Variants in RBFOX1 observed in about 807,000 individuals in gnomAD.
RBFOX1 encodes RNA binding protein fox-1 homolog 1.
A neutral mutation model predicts 57.7 loss-of-function variants in RBFOX1; 8 were observed. The ratio of observed to expected loss-of-function variants is 0.14; its 90% confidence interval spans 0.08 to 0.25. The LOEUF is 0.25. RBFOX1 is among the 10% of genes least tolerant of loss of function. The pLI is 1.00. For synonymous variants in RBFOX1, 326 were observed against 222.4 expected (o/e 1.47, Z -4.15); for missense variants, 611 against 548.5 (o/e 1.11, Z -1.14).
intron 2 of RBFOX1, among the ~76,000 whole-genome samples, chr16:6,387,912 T>C (rs2092384625): frequency 6.6e-6 from 1 of 151,760 alleles, no homozygotes; most frequent in Non-Finnish European, 1.5e-5. Flanking sequence ...CCCCAGTCAC[T>C]ATGACTGTTG....
chr16:7,323,129 A>T (rs907274454), intron 4 of RBFOX1, among the ~76,000 whole-genome samples: 2 of 152,174 alleles, frequency 1.3e-5, no homozygotes, highest in African/African-American at 2.4e-5. Context: ...ATTGAGTTAA[A>T]ATGTCCAAGC....
intron 1 of RBFOX1, among the ~76,000 whole-genome samples, chr16:6,167,433 C>G (rs2096926177): frequency 6.6e-6 from 1 of 152,166 alleles, no homozygotes; most frequent in Non-Finnish European, 1.5e-5. Context: ...GTAGCTCCTG[C>G]TGTTATTGTT....
intron 3 of RBFOX1, among the ~76,000 whole-genome samples, chr16:5,658,876 A>AATAT: frequency 6.7e-6 from 1 of 148,650 alleles, no homozygotes; most frequent in Non-Finnish European, 1.5e-5. Context: ...TATATGTATA[A>AATAT]ATATATATAT....
chr16:7,706,859 G>A (rs1164499331), intron 14 of RBFOX1, among the ~76,000 whole-genome samples: 1 of 152,172 alleles, frequency 6.6e-6, no homozygotes, highest in Non-Finnish European at 1.5e-5. Flanking sequence ...CTAGTTAAGT[G>A]GGTAAAGGCC....
chr16:5,692,064 A>C (rs1187531368), intron 3 of RBFOX1, among the ~76,000 whole-genome samples: 1 of 152,098 alleles, frequency 6.6e-6, no homozygotes, highest in Non-Finnish European at 1.5e-5. Flanking sequence ...ATGACTGGGA[A>C]AGTGTCATGG....
chr16:6,299,372 C>A (rs1258198660), intron 1 of RBFOX1, among the ~76,000 whole-genome samples: 1 of 152,024 alleles, frequency 6.6e-6, no homozygotes, highest in African/African-American at 2.4e-5. Flanking sequence ...TTCATCAATT[C>A]ATGTAATTCT....
At chr16:5,855,540 T>C (rs1038066898) in intron 3 of RBFOX1, among the ~76,000 whole-genome samples, 2 of 152,212 alleles carry the variant, frequency 1.3e-5, no homozygotes, top group Admixed American at 6.5e-5. Flanking sequence ...TATAGATGGC[T>C]GAATTTATTT....
intron 4 of RBFOX1, among the ~76,000 whole-genome samples, chr16:7,337,203 T>C (rs931151707): frequency 8.6e-5 from 13 of 152,004 alleles, no homozygotes; most frequent in African/African-American, 3.1e-4. Context: ...TTGGACTGGA[T>C]TTGTTGAACC....
At chr16:6,256,219 A>G (rs868734987) in intron 1 of RBFOX1, among the ~76,000 whole-genome samples, 1,545 of 81,576 alleles carry the variant, frequency 0.019, 30 homozygotes, top group Non-Finnish European at 0.03. Context: ...GTGTATATAT[A>G]TGTATATATA....
At chr16:6,114,351 A>G (rs2096476940) in intron 1 of RBFOX1, among the ~76,000 whole-genome samples, 1 of 152,222 alleles carries the variant, frequency 6.6e-6, no homozygotes, top group African/African-American at 2.4e-5. Context: ...TAAGAATAAT[A>G]TCTCATGCGG....
At chr16:6,902,531 A>T (rs576793354) in intron 3 of RBFOX1, among the ~76,000 whole-genome samples, 1 of 152,250 alleles carries the variant, frequency 6.6e-6, no homozygotes, top group South Asian at 2.1e-4. Flanking sequence ...AGACCAGCCT[A>T]ACCAACATGG....
chr16:6,083,272 G>A (rs534814360), intron 1 of RBFOX1, among the ~76,000 whole-genome samples: 19 of 152,210 alleles, frequency 1.2e-4, no homozygotes, highest in African/African-American at 4.3e-4. Flanking sequence ...CAAAGTTCTA[G>A]GATTACAGGC....
At chr16:5,699,674 G>T (rs1317578823) in intron 3 of RBFOX1, among the ~76,000 whole-genome samples, 1 of 152,076 alleles carries the variant, frequency 6.6e-6, no homozygotes, top group African/African-American at 2.4e-5. Flanking sequence ...GGGATCTAGA[G>T]GATAGAATCC....
intron 3 of RBFOX1, among the ~76,000 whole-genome samples, chr16:6,982,856 G>T (rs953831674): frequency 2.6e-5 from 4 of 151,982 alleles, no homozygotes; most frequent in African/African-American, 9.7e-5. Flanking sequence ...AGCTGGGCAT[G>T]GTGGCGGATG....
chr16:6,915,385 C>T lies in RBFOX1; in HGVS notation c.-15-136672C>T, dbSNP rs1012107222. On this transcript the variant is annotated intron_variant, in intron 3 of 15. Coordinates refer to ENST00000550418, the MANE Select transcript of RBFOX1 (RefSeq NM_018723.4). Reference sequence around the variant, plus strand: ...ATTAGAAAGGAAACACGCAGCTTCCCAAGCATGTCACTTCTGAACTGTTTA... The same window carrying T: ...ATTAGAAAGGAAACACGCAGCTTCCTAAGCATGTCACTTCTGAACTGTTTA... Among the ~76,000 whole-genome samples the T allele has an allele frequency of 3.3e-5, 5 of 152,178 alleles. No individual in the cohort carries two copies. In the South Asian group the frequency reaches 6.2e-4, roughly 19 times the overall value.
At chr16:7,458,971 A>C (rs984214873) in intron 4 of RBFOX1, among the ~76,000 whole-genome samples, 1 of 152,226 alleles carries the variant, frequency 6.6e-6, no homozygotes, top group Non-Finnish European at 1.5e-5. Context: ...CCTTTCACAA[A>C]GTAGGTACTC....
intron 1 of RBFOX1, among the ~76,000 whole-genome samples, chr16:5,355,512 G>T (rs1272693537): frequency 6.6e-6 from 1 of 152,158 alleles, no homozygotes; most frequent in Admixed American, 6.5e-5. Flanking sequence ...AGCTGAAGCT[G>T]GGTTTAAAAA....
intron 14 of RBFOX1, among the ~76,000 whole-genome samples, chr16:7,695,994 CAGT>C (rs1459248505): frequency 6.6e-6 from 1 of 152,152 alleles, no homozygotes; most frequent in African/African-American, 2.4e-5. Flanking sequence ...AATCATTAAG[CAGT>C]AGAACAGCAG....
chr16:5,706,160 C>G (rs2051240661), intron 3 of RBFOX1, among the ~76,000 whole-genome samples: 1 of 152,214 alleles, frequency 6.6e-6, no homozygotes, highest in South Asian at 2.1e-4. Context: ...ATCTGCCAGC[C>G]TCGGCCTCCC....
Sources: allele counts gnomAD v4.1 joint callset (sites outside exome capture counted in the v4.1 genomes callset), GRCh38; gene constraint gnomAD v4.1.1; transcripts MANE v1.5; gene names NCBI Gene and HGNC (gene_info 2026-07-23, HGNC 2026-07-21).